The following SYT16 variants were observed in gnomAD, a reference collection of about 807,000 sequenced individuals.
SYT16 encodes synaptotagmin 16.
SYT16 carries 42 observed loss-of-function variants against 61.4 expected under a neutral mutation model. The ratio of observed to expected loss-of-function variants is 0.68; its 90% CI spans 0.53 to 0.89. The LOEUF is 0.89. SYT16 is among the 40% of genes least tolerant of loss of function. The pLI is 0.00. For synonymous variants in SYT16, 314 were observed against 302.3 expected, an observed-to-expected ratio of 1.04 and a Z score of -0.40; for missense variants, 804 against 807.3, an observed-to-expected ratio of 1.00 and a Z score of 0.05.
intron 3 of SYT16, among the ~76,000 whole-genome samples, chr14:62,033,196 A>G (rs532944861): frequency 6.0e-5 from 9 of 150,678 alleles, no homozygotes; most frequent in Non-Finnish European, 1.0e-4. Flanking sequence ...TTGAAAAGTA[A>G]GTATATAGCT....
At chr14:61,818,781 T>G (rs956041747) in intron 1 of SYT16, among the ~76,000 whole-genome samples, 6 of 152,204 alleles carry the variant, frequency 3.9e-5, no homozygotes, top group Non-Finnish European at 8.8e-5. Flanking sequence ...GCACTTGTTT[T>G]AAGTTTGAAA....
chr14:61,816,825 C>G (rs2045445755), intron 1 of SYT16, among the ~76,000 whole-genome samples: 1 of 151,480 alleles, frequency 6.6e-6, no homozygotes, highest in Non-Finnish European at 1.5e-5. Context: ...TCCTGGCTAA[C>G]ATGGTGAAAC....
chr14:61,943,744 G>A (rs192009326), intron 1 of SYT16, among the ~76,000 whole-genome samples: 44 of 152,226 alleles, frequency 2.9e-4, no homozygotes, highest in African/African-American at 1.0e-3. Context: ...AAAATAATAA[G>A]AGCTATTTAC....
At chr14:61,827,324 G>A (rs1341072921) in intron 1 of SYT16, among the ~76,000 whole-genome samples, 1 of 152,258 alleles carries the variant, frequency 6.6e-6, no homozygotes, top group East Asian at 1.9e-4. Flanking sequence ...AGCCTGTTGT[G>A]GCATTTCCCC....
chr14:62,036,595 A>C (rs2054516718), intron 3 of SYT16, among the ~76,000 whole-genome samples: 1 of 152,196 alleles, frequency 6.6e-6, no homozygotes, highest in African/African-American at 2.4e-5. Context: ...ACAGTTCCAC[A>C]TGGCTAGGGA....
At chr14:61,906,732 T>TC (rs1211424196) in intron 1 of SYT16, among the ~76,000 whole-genome samples, 5 of 119,880 alleles carry the variant, frequency 4.2e-5, no homozygotes, top group Admixed American at 1.7e-4. Context: ...CATCCATCCA[T>TC]CCATCCATCC....
chr14:62,051,812 A>G (rs2055313996), intron 3 of SYT16, among the ~76,000 whole-genome samples: 1 of 152,134 alleles, frequency 6.6e-6, no homozygotes, highest in Non-Finnish European at 1.5e-5. Flanking sequence ...CAGGTGGATC[A>G]CCTAAGCCCA....
chr14:61,873,155 T>C (rs1218673023), intron 1 of SYT16, among the ~76,000 whole-genome samples: 9 of 152,226 alleles, frequency 5.9e-5, no homozygotes, highest in Non-Finnish European at 1.0e-4. Flanking sequence ...CCATGAGTTA[T>C]AAAAACCTGT....
At chr14:62,031,729 G>A (rs28429194) in intron 3 of SYT16, among the ~76,000 whole-genome samples, 16,885 of 152,092 alleles carry the variant, frequency 0.11, 1,098 homozygotes, top group African/African-American at 0.17. Context: ...AACTCCCTGG[G>A]TAAATTAAAA....
At chr14:61,940,252 T>TC (rs2050155500) in intron 1 of SYT16, among the ~76,000 whole-genome samples, 1 of 152,096 alleles carries the variant, frequency 6.6e-6, no homozygotes, top group Non-Finnish European at 1.5e-5. Context: ...TTTTTTTTTT[T>TC]CTGTTTCCAT....
chr14:61,922,353 T>C (rs964836455), intron 1 of SYT16, among the ~76,000 whole-genome samples: 6 of 152,138 alleles, frequency 3.9e-5, no homozygotes, highest in African/African-American at 1.4e-4. Flanking sequence ...TACGCAGCCA[T>C]AAAAAGAATG....
At chr14:62,074,398 G>A (rs1019254530) in intron 4 of SYT16, among the ~76,000 whole-genome samples, 3 of 152,174 alleles carry the variant, frequency 2.0e-5, no homozygotes, top group Non-Finnish European at 4.4e-5. Context: ...GAGACCAGAG[G>A]AATGAGACAT....
chr14:61,935,270 G>A lies in SYT16; in HGVS notation c.-324-34862G>A, dbSNP rs535220467. Among the ~76,000 whole-genome samples the A allele has an allele frequency of 4.6e-5, 7 of 152,252 alleles. No homozygotes were observed. The South Asian group carries it at 6.2e-4, about 14-fold the overall frequency. On this transcript the variant is annotated intron_variant, in intron 1 of 7. Transcript: ENST00000683842. ...CCTGCGGTGATTGAAGCTGATTCACGCCGACAGTGGCTCCCATTAATTTCT... is the reference window on the plus strand; with the variant it reads ...CCTGCGGTGATTGAAGCTGATTCACACCGACAGTGGCTCCCATTAATTTCT...
At chr14:62,002,524 G>A (rs1246089895) in intron 3 of SYT16, among the ~76,000 whole-genome samples, 4 of 152,086 alleles carry the variant, frequency 2.6e-5, no homozygotes, top group Admixed American at 2.6e-4. Context: ...TGGAGGTTGT[G>A]TTTCCTGCTG....
intron 1 of SYT16, among the ~76,000 whole-genome samples, chr14:61,830,839 A>G (rs186917445): frequency 1.3e-5 from 2 of 152,200 alleles, no homozygotes; most frequent in South Asian, 2.1e-4. Context: ...CAGAGCTCCA[A>G]TCCATTCCAG....
chr14:62,067,149 G>A (rs907115451), intron 3 of SYT16, among the ~76,000 whole-genome samples: 1 of 152,018 alleles, frequency 6.6e-6, no homozygotes, highest in Non-Finnish European at 1.5e-5. Context: ...TATACACTCA[G>A]GCTTAGGAGA....
chr14:61,945,853 C>T (rs540601810), intron 1 of SYT16, among the ~76,000 whole-genome samples: 1 of 71,114 alleles, frequency 1.4e-5, no homozygotes, highest in Admixed American at 2.6e-4. Flanking sequence ...GAGACTCCGT[C>T]TCAAAAAAAA....
intron 1 of SYT16, among the ~76,000 whole-genome samples, chr14:61,915,602 A>G (rs193132479): frequency 3.3e-5 from 5 of 152,158 alleles, no homozygotes; most frequent in Admixed American, 3.3e-4. Flanking sequence ...ACATACATTT[A>G]TTAGGTATAC....
intron 1 of SYT16, among the ~76,000 whole-genome samples, chr14:61,908,883 C>T (rs1029989413): frequency 8.5e-5 from 13 of 152,150 alleles, no homozygotes; most frequent in Non-Finnish European, 1.3e-4. Context: ...AGTGCAGTGG[C>T]GTGATAATGG....
Sources: allele counts gnomAD v4.1 joint callset (sites outside exome capture counted in the v4.1 genomes callset), GRCh38; gene constraint gnomAD v4.1.1; transcripts MANE v1.5; gene names NCBI Gene and HGNC (gene_info 2026-07-23, HGNC 2026-07-21).